Variants in ALK observed in about 807,000 individuals in gnomAD.
ALK encodes ALK tyrosine kinase receptor.
Under a neutral mutation model 163.1 loss-of-function variants are expected in ALK, and 74 were observed. The ratio of observed to expected loss-of-function variants is 0.45; its 90% confidence interval spans 0.38 to 0.55. The LOEUF (loss-of-function observed/expected upper bound fraction) is 0.55. Ranked by LOEUF, ALK falls within the 20% of genes least tolerant of loss-of-function variation. The pLI is 0.00. For synonymous variants in ALK, 960 were observed against 843.2 expected, an observed-to-expected ratio of 1.14 and a Z score of -2.40; for missense variants, 2,063 against 2,105.3, an observed-to-expected ratio of 0.98 and a Z score of 0.39.
intron 4 of ALK, among the ~76,000 whole-genome samples, chr2:29,434,891 A>G (rs1432046101): frequency 2.0e-5 from 3 of 152,236 alleles, no homozygotes; most frequent in Admixed American, 6.5e-5. Flanking sequence ...ATCACAGATC[A>G]TTAGAACTGG....
chr2:29,442,713 A>T (rs1337196357), intron 4 of ALK, among the ~76,000 whole-genome samples: 1 of 152,066 alleles, frequency 6.6e-6, no homozygotes, highest in Non-Finnish European at 1.5e-5. Flanking sequence ...GCACCTAAAA[A>T]CCTTATGCTT....
At chr2:29,271,064 C>T (rs1464955615) in intron 11 of ALK, among the ~76,000 whole-genome samples, 1 of 152,168 alleles carries the variant, frequency 6.6e-6, no homozygotes, top group African/African-American at 2.4e-5. Context: ...GAAGAGGCCT[C>T]CTCTATTGGG....
At chr2:29,583,575 A>G (rs1674788824) in intron 3 of ALK, among the ~76,000 whole-genome samples, 1 of 128,176 alleles carries the variant, frequency 7.8e-6, no homozygotes, top group South Asian at 2.2e-4. Context: ...ATCAAGATAA[A>G]CATGCTCCAT....
intron 4 of ALK, among the ~76,000 whole-genome samples, chr2:29,436,248 G>T (rs1228325598): frequency 6.6e-6 from 1 of 152,056 alleles, no homozygotes; most frequent in Non-Finnish European, 1.5e-5. Flanking sequence ...AATTCCCCAG[G>T]AACCTTACTG....
At chr2:29,917,999 G>A (rs1667881415) in intron 1 of ALK, among the ~76,000 whole-genome samples, 1 of 152,210 alleles carries the variant, frequency 6.6e-6, no homozygotes, top group African/African-American at 2.4e-5. Flanking sequence ...CTTCCCTACA[G>A]CCAATAGCAG....
intron 3 of ALK, among the ~76,000 whole-genome samples, chr2:29,653,483 A>G (rs1677091587): frequency 6.6e-6 from 1 of 152,090 alleles, no homozygotes; most frequent in African/African-American, 2.4e-5. Context: ...TTCCGTTGAA[A>G]TCATGACTTT....
chr2:29,553,061 A>C (rs748114675), intron 3 of ALK, among the ~76,000 whole-genome samples: 1 of 152,182 alleles, frequency 6.6e-6, no homozygotes, highest in Non-Finnish European at 1.5e-5. Flanking sequence ...GATTCAGCTC[A>C]GGATCATTTC....
chr2:29,438,179 A>C (rs773542922), intron 4 of ALK, among the ~76,000 whole-genome samples: 2 of 152,176 alleles, frequency 1.3e-5, no homozygotes, highest in Non-Finnish European at 2.9e-5. Context: ...TTCAATCTTC[A>C]TAACACCACC....
chr2:29,758,917 G>T (rs941577724), intron 1 of ALK, among the ~76,000 whole-genome samples: 1 of 152,058 alleles, frequency 6.6e-6, no homozygotes, highest in African/African-American at 2.4e-5. Flanking sequence ...TCTTTATAGG[G>T]TCGGTGTTTC....
chr2:29,351,471 C>T (rs1573268815), intron 5 of ALK, among the ~76,000 whole-genome samples: 1 of 152,196 alleles, frequency 6.6e-6, no homozygotes, highest in East Asian at 1.9e-4. Context: ...GACCAGTCCT[C>T]TGCTCAGAGT....
At chr2:29,745,957 T>C (rs1680197944) in intron 1 of ALK, among the ~76,000 whole-genome samples, 1 of 152,216 alleles carries the variant, frequency 6.6e-6, no homozygotes, top group East Asian at 1.9e-4. Context: ...AGCCCCACTA[T>C]GGAAAAATCA....
At chr2:29,547,114 G>C (rs1365848514) in intron 3 of ALK, among the ~76,000 whole-genome samples, 2 of 152,180 alleles carry the variant, frequency 1.3e-5, no homozygotes, top group Non-Finnish European at 2.9e-5. Context: ...AAGATGGCTA[G>C]GCTGAGTTCT....
chr2:29,594,191 G>T (rs1573485136), intron 3 of ALK, among the ~76,000 whole-genome samples: 1 of 152,194 alleles, frequency 6.6e-6, no homozygotes, highest in South Asian at 2.1e-4. Context: ...TTTTATAAAG[G>T]TAATAAATCA....
At chr2:29,318,931 C>A (rs951609314) in intron 7 of ALK, among the ~76,000 whole-genome samples, 12 of 152,194 alleles carry the variant, frequency 7.9e-5, no homozygotes, top group African/African-American at 2.9e-4. Context: ...CATCCCTGAT[C>A]TTCCAAGGTC....
At chr2:29,643,396 G>T (rs1040061734) in intron 3 of ALK, among the ~76,000 whole-genome samples, 1 of 152,198 alleles carries the variant, frequency 6.6e-6, no homozygotes. Context: ...ATGTTGGAAA[G>T]ATTGTGGAGA....
rs1665373307 is a variant in ALK, at chr2:29,830,994, GA to G, written c.667+88998del. Among the ~76,000 whole-genome samples the G allele has an allele frequency of 9.3e-5, 5 of 53,558 alleles. 1 individual carries two copies. The highest frequency in any genetic ancestry group is 1.9e-4 in the Non-Finnish European group (5 of 25,948). The allele number at this position is 53,558 out of a possible 152,430, so 35.1% of individuals were successfully genotyped here. A position where few individuals can be genotyped will look rare whatever the true frequency, so the allele number is the denominator to read the frequency against. The stretch of plus-strand genomic sequence containing the variant: ...AGAAGAAGAAGAAGAAGAAGAAGAA[GA>G]AGAAGAAGAAGAAGAAGGGGAAGAG... On this transcript the variant is annotated intron_variant, in intron 1 of 28. Coordinates refer to ENST00000389048, the MANE Select transcript of ALK (RefSeq NM_004304.5).
At chr2:29,477,551 T>C (rs971078815) in intron 4 of ALK, among the ~76,000 whole-genome samples, 4 of 152,196 alleles carry the variant, frequency 2.6e-5, no homozygotes, top group Non-Finnish European at 4.4e-5. Flanking sequence ...TATATGATTC[T>C]TTATAACCCA....
At chr2:29,526,234 C>G (rs769493592) in intron 4 of ALK, among the ~76,000 whole-genome samples, 5 of 152,150 alleles carry the variant, frequency 3.3e-5, no homozygotes, top group Non-Finnish European at 5.9e-5. Flanking sequence ...GTGAGTGGCA[C>G]AATTACTACC....
chr2:29,202,645 A>T (rs1464718739), intron 26 of ALK, among the ~76,000 whole-genome samples: 7 of 151,828 alleles, frequency 4.6e-5, no homozygotes, highest in African/African-American at 1.7e-4. Flanking sequence ...ATGATATCCT[A>T]CTCCTTTTTG....
Sources: gnomAD v4.1 joint callset for allele counts (sites outside exome capture counted in the v4.1 genomes callset) on GRCh38, gnomAD v4.1.1 for gene constraint, MANE v1.5 for transcripts, NCBI Gene and HGNC (gene_info 2026-07-23, HGNC 2026-07-21) for gene names.